The following PLCL1 variants were observed in gnomAD, a reference collection of about 807,000 sequenced individuals.
The protein encoded by PLCL1 is phospholipase C like 1 (inactive).
A neutral mutation model predicts 84.4 loss-of-function variants in PLCL1; 41 were observed. The ratio of observed to expected loss-of-function variants is 0.49; its 90% CI spans 0.38 to 0.63. The LOEUF (loss-of-function observed/expected upper bound fraction) is 0.63. Ranked by LOEUF, PLCL1 falls within the 30% of genes least tolerant of loss-of-function variation. The pLI, the probability that PLCL1 is intolerant of heterozygous loss-of-function variation, is 0.00. For missense variants in PLCL1, 1,206 were observed against 1,367.8 expected, an observed-to-expected ratio of 0.88 and a Z score of 1.87; for synonymous variants, 490 against 488.3, an observed-to-expected ratio of 1.00 and a Z score of -0.05.
At chr2:198,109,817 T>C (rs1186058494) in intron 5 of PLCL1, among the ~76,000 whole-genome samples, 1 of 151,894 alleles carries the variant, frequency 6.6e-6, no homozygotes, top group Non-Finnish European at 1.5e-5. Flanking sequence ...TTTTTCTAAC[T>C]TGTCCTGTTG....
At chr2:197,960,380 A>G (rs1458723582) in intron 1 of PLCL1, among the ~76,000 whole-genome samples, 1 of 152,142 alleles carries the variant, frequency 6.6e-6, no homozygotes, top group Non-Finnish European at 1.5e-5. Flanking sequence ...CAGAATGATC[A>G]GTCTAATAGT....
chr2:197,805,207 G>A lies in PLCL1; in HGVS notation c.108G>A (p.Ala36=). ...GPDAAGDCVT[A]ASGGRMRDRR... is the part of the protein sequence containing the mutation. ...ATGCCGCCGGGGACTGCGTGACGGC[G>A]GCCTCTGGGGGCCGGATGAGGGACC... Residue 36 remains alanine (A), a synonymous_variant, in exon 1 of 6, where the codon GCG becomes GCA. Coordinates refer to ENST00000428675, the MANE Select transcript of PLCL1 (RefSeq NM_006226.4). This position sits in a 1 kb window ranked among gnomAD's most constrained non-coding sequence, Gnocchi z 4.0. 3.9e-6 allele frequency: 5 copies of A among 1,274,434 alleles called. No homozygotes were observed. Among genetic ancestry groups the A allele is most frequent in the Non-Finnish European group, 4.9e-6 (5 of 1,012,386 alleles). The allele number at this position is 1,274,434 out of a possible 1,614,324, so 78.9% of individuals were successfully genotyped here.
chr2:197,846,962 A>G (rs1467364680), intron 1 of PLCL1, among the ~76,000 whole-genome samples: 2 of 152,108 alleles, frequency 1.3e-5, no homozygotes, highest in Non-Finnish European at 2.9e-5. Flanking sequence ...TCCACATTTT[A>G]TAACTATGAA....
chr2:198,059,034 T>G lies in PLCL1; in HGVS notation c.241-24724T>G, dbSNP rs1488441587. On this transcript the variant is annotated intron_variant, in intron 1 of 5. Transcript: ENST00000428675. ...CATTGCCTATAACCCCCAACAGGAA[T>G]CATGAGCTCTAGCTGAGTTCATATA... is the stretch of plus-strand genomic sequence containing the variant. Among the ~76,000 whole-genome samples, 4 of 152,292 alleles carry G rather than the reference T, an allele frequency of 2.6e-5. No individual in the cohort carries two copies. The East Asian group carries it at 7.7e-4, about 29-fold the overall frequency.
At chr2:198,131,095 C>T (rs925171687) in intron 5 of PLCL1, among the ~76,000 whole-genome samples, 1 of 152,152 alleles carries the variant, frequency 6.6e-6, no homozygotes, top group Non-Finnish European at 1.5e-5. Flanking sequence ...GAACTTTCTC[C>T]ACTTCCTCAG....
intron 1 of PLCL1, among the ~76,000 whole-genome samples, chr2:197,822,979 A>G (rs1380333854): frequency 6.6e-6 from 1 of 152,216 alleles, no homozygotes; most frequent in African/African-American, 2.4e-5. Flanking sequence ...ATTCAATTTA[A>G]TATGATGTAT....
intron 1 of PLCL1, among the ~76,000 whole-genome samples, chr2:197,852,018 A>G (rs961772471): frequency 9.2e-5 from 14 of 152,218 alleles, no homozygotes; most frequent in African/African-American, 3.4e-4. Flanking sequence ...ATGAATAAGG[A>G]TGGTTGGCAT....
At chr2:198,035,656 G>A (rs1691538185) in intron 1 of PLCL1, among the ~76,000 whole-genome samples, 1 of 152,224 alleles carries the variant, frequency 6.6e-6, no homozygotes, top group African/African-American at 2.4e-5. Context: ...GAATCCATGA[G>A]TCCATACTGA....
intron 1 of PLCL1, among the ~76,000 whole-genome samples, chr2:198,018,397 G>A (rs1691050888): frequency 1.3e-5 from 2 of 152,120 alleles, no homozygotes. Context: ...TCACTCCCCT[G>A]GAATAGGGGC....
intron 1 of PLCL1, among the ~76,000 whole-genome samples, chr2:198,031,659 CTTTTT>C (rs5837577): frequency 9.6e-6 from 1 of 103,796 alleles, no homozygotes; most frequent in African/African-American, 3.8e-5. Flanking sequence ...ATGGCCAGTG[CTTTTT>C]TTTTTTTTTT....
At chr2:198,010,107 G>T (rs1452657797) in intron 1 of PLCL1, among the ~76,000 whole-genome samples, 1 of 151,904 alleles carries the variant, frequency 6.6e-6, no homozygotes, top group East Asian at 1.9e-4. Context: ...CATGTCATTT[G>T]TGAGCAGAGA....
chr2:198,055,329 C>CTGTGTGTG (rs71015806), intron 1 of PLCL1, among the ~76,000 whole-genome samples: 1 of 112,270 alleles, frequency 8.9e-6, no homozygotes, highest in Non-Finnish European at 1.8e-5. Flanking sequence ...CTCTCTCTCT[C>CTGTGTGTG]TGTGTGTGTG....
chr2:197,964,432 T>G (rs1018475377), intron 1 of PLCL1, among the ~76,000 whole-genome samples: 1 of 152,166 alleles, frequency 6.6e-6, no homozygotes. Flanking sequence ...TGCTACTGAT[T>G]GTTGTATGTT....
At chr2:198,025,237 T>C (rs1235113753) in intron 1 of PLCL1, among the ~76,000 whole-genome samples, 4 of 152,172 alleles carry the variant, frequency 2.6e-5, no homozygotes. Flanking sequence ...GTGTATGTTT[T>C]AGTTTACTTA....
chr2:198,039,669 G>A (rs1185244894), intron 1 of PLCL1, among the ~76,000 whole-genome samples: 4 of 152,088 alleles, frequency 2.6e-5, no homozygotes, highest in Non-Finnish European at 4.4e-5. Flanking sequence ...GATCAATTTA[G>A]AGGGTCACAA....
At chr2:197,836,800 T>C (rs1691200823) in intron 1 of PLCL1, among the ~76,000 whole-genome samples, 1 of 152,204 alleles carries the variant, frequency 6.6e-6, no homozygotes, top group Non-Finnish European at 1.5e-5. Flanking sequence ...GGCTCACTGT[T>C]GCCTGGACTG....
chr2:198,088,113 A>G (rs989703331), intron 2 of PLCL1, among the ~76,000 whole-genome samples: 1 of 152,204 alleles, frequency 6.6e-6, no homozygotes, highest in Non-Finnish European at 1.5e-5. Context: ...TGAAATATGT[A>G]CTTTGCATAT....
At chr2:197,901,061 G>T (rs1487451569) in intron 1 of PLCL1, among the ~76,000 whole-genome samples, 1 of 152,114 alleles carries the variant, frequency 6.6e-6, no homozygotes, top group African/African-American at 2.4e-5. Flanking sequence ...GATGTCTTTT[G>T]GGATCGAATT....
chr2:197,873,652 C>T (rs1252456311), intron 1 of PLCL1, among the ~76,000 whole-genome samples: 6 of 152,252 alleles, frequency 3.9e-5, no homozygotes, highest in Admixed American at 1.3e-4. Context: ...CAATGTCATA[C>T]AGCCAAAGCT....
Sources: allele counts gnomAD v4.1 joint callset (sites outside exome capture counted in the v4.1 genomes callset), GRCh38; gene constraint gnomAD v4.1.1; non-coding constraint Gnocchi (gnomAD v3.1); transcripts MANE v1.5; gene names NCBI Gene and HGNC (gene_info 2026-07-23, HGNC 2026-07-21).